Variants in SH2D4B observed in about 807,000 individuals in gnomAD.
SH2D4B encodes the protein SH2 domain-containing protein 4B.
Under a neutral mutation model 61.5 loss-of-function variants are expected in SH2D4B, and 45 were observed. The observed-to-expected ratio is 0.73, with a 90% confidence interval of 0.58 to 0.94. The LOEUF (loss-of-function observed/expected upper bound fraction) is 0.94. SH2D4B is among the 40% of genes least tolerant of loss of function. SH2D4B has a pLI of 0.00. For synonymous variants in SH2D4B, 224 were observed against 220.4 expected, an observed-to-expected ratio of 1.02 and a Z score of -0.14; for missense variants, 572 against 574.2, an observed-to-expected ratio of 1.00 and a Z score of 0.04.
At chr10:80,627,862 A>G (rs1842781436) in intron 6 of SH2D4B, among the ~76,000 whole-genome samples, 1 of 152,134 alleles carries the variant, frequency 6.6e-6, no homozygotes, top group African/African-American at 2.4e-5. Context: ...AACAATGTTT[A>G]CCATTGTCTG....
At chr10:80,590,407 G>A (rs1842312777) in intron 4 of SH2D4B, among the ~76,000 whole-genome samples, 1 of 152,182 alleles carries the variant, frequency 6.6e-6, no homozygotes, top group African/African-American at 2.4e-5. Flanking sequence ...CTACGAATTG[G>A]CTATTCCTGG....
intron 7 of SH2D4B, among the ~76,000 whole-genome samples, chr10:80,639,162 G>A (rs147437535): frequency 0.016 from 2,376 of 152,228 alleles, 58 homozygotes; most frequent in African/African-American, 0.053. Flanking sequence ...AGTTTGTTGT[G>A]ATTTCTGTTC....
In SH2D4B at chr10:80,609,426, G is replaced by A. The variant is rs1361623816; in HGVS notation, c.863G>A (p.Arg288Lys). 1 of 1,613,344 alleles carries A rather than the reference G, an allele frequency of 6.2e-7. No individual in the cohort carries two copies. Among genetic ancestry groups the A allele is most frequent in the Non-Finnish European group, 8.5e-7 (1 of 1,179,642 alleles). ...LPQPLALPVS[R>K]TWERPLRPVS... ...CTCCCCACTTTCTTTCTCTTCAGCA[G>A]GACCTGGGAGCGCCCGCTGCGCCCA... Residue 288 changes from arginine (R) to lysine (K), a missense_variant and splice_region_variant, in exon 6 of 8, where the codon AGG becomes AAG. Physicochemically the swap from Arg to Lys is conservative, Grantham distance 26 (BLOSUM62 2). Coordinates refer to ENST00000646907, the MANE Select transcript of SH2D4B (RefSeq NM_001388272.1).
chr10:80,592,715 CTTTT>C (rs60807866), intron 4 of SH2D4B, among the ~76,000 whole-genome samples: 2 of 134,546 alleles, frequency 1.5e-5, no homozygotes, highest in African/African-American at 2.8e-5. Flanking sequence ...CTCTCTGTCT[CTTTT>C]TTTTTTTTTT....
chr10:80,635,144 C>A (rs985057285), intron 7 of SH2D4B, among the ~76,000 whole-genome samples: 3 of 152,280 alleles, frequency 2.0e-5, no homozygotes, highest in Non-Finnish European at 4.4e-5. Flanking sequence ...CTGTGAAGTG[C>A]TTATGGAAAG....
chr10:80,634,636 AGC>A, intron 7 of SH2D4B, 131 bp downstream of exon 7: 1 of 1,368,892 alleles, frequency 7.3e-7, no homozygotes, highest in Non-Finnish European at 9.8e-7. Context: ...AGAGATGTAG[AGC>A]ATCAGGGCAG....
At chr10:80,613,475 G>T (rs950382510) in intron 6 of SH2D4B, among the ~76,000 whole-genome samples, 4 of 152,230 alleles carry the variant, frequency 2.6e-5, no homozygotes, top group Non-Finnish European at 5.9e-5. Context: ...CAACCCATTG[G>T]CTGCCTTGCT....
At position 80,643,939 on chromosome 10, in the gene SH2D4B, T is replaced by A. The variant is rs911057266; in HGVS notation, c.1210-54T>A. On this transcript the variant is annotated intron_variant, in intron 7 of 7. Transcript: ENST00000646907. ...TGAACCACTCTCTCTCTCTCATAGA[T>A]GTGTATTTCCCTGTCTTGATTATAA... The A allele has an allele frequency of 4.4e-6, 6 of 1,358,606 alleles. No individual in the cohort carries two copies. In the African/African-American group the frequency reaches 8.6e-5, roughly 20 times the overall value. 84.2% of individuals were successfully genotyped at this position (1,358,606 alleles called of 1,614,324 possible).
At chr10:80,572,290 A>G (rs1413866390) in intron 3 of SH2D4B, among the ~76,000 whole-genome samples, 1 of 152,194 alleles carries the variant, frequency 6.6e-6, no homozygotes, top group Admixed American at 6.5e-5. Context: ...ATGAGGATTC[A>G]AGGAGATGAT....
intron 1 of SH2D4B, chr10:80,540,916 G>A: frequency 6.4e-7 from 1 of 1,551,194 alleles, no homozygotes; most frequent in South Asian, 1.2e-5. Flanking sequence ...GAGGACTCAG[G>A]AGGCTCTCCA....
intron 6 of SH2D4B, among the ~76,000 whole-genome samples, chr10:80,614,323 C>T (rs1317478793): frequency 1.3e-5 from 2 of 152,102 alleles, no homozygotes; most frequent in African/African-American, 2.4e-5. Flanking sequence ...TGTCATGTGG[C>T]GAGAGTGGGA....
At chr10:80,602,760 A>G (rs7074541) in intron 4 of SH2D4B, among the ~76,000 whole-genome samples, 3,387 of 152,304 alleles carry the variant, frequency 0.022, 128 homozygotes, top group African/African-American at 0.076. Context: ...CAGTTTCCAC[A>G]TGAATAACAT....
chr10:80,596,994 CAA>C, intron 4 of SH2D4B, among the ~76,000 whole-genome samples: 1 of 152,162 alleles, frequency 6.6e-6, no homozygotes, highest in South Asian at 2.1e-4. Context: ...AATAACATAA[CAA>C]TAAAAATAAA....
intron 5 of SH2D4B, among the ~76,000 whole-genome samples, chr10:80,606,194 G>A (rs1255909059): frequency 1.3e-5 from 2 of 152,072 alleles, no homozygotes; most frequent in Non-Finnish European, 2.9e-5. Flanking sequence ...GCTGATGGGA[G>A]GAGAGGTTCA....
At chr10:80,571,377 A>G in intron 2 of SH2D4B, 54 bp from the exon 3 acceptor site, 2 of 1,565,580 alleles carry the variant, frequency 1.3e-6, no homozygotes, top group Admixed American at 3.8e-5. Context: ...TTCTATTGTT[A>G]GGTGGTCCTT....
At chr10:80,640,014 G>T (rs556912914) in intron 7 of SH2D4B, among the ~76,000 whole-genome samples, 7 of 152,144 alleles carry the variant, frequency 4.6e-5, no homozygotes, top group African/African-American at 1.7e-4. Context: ...ATTTGCTTGT[G>T]TGTAAAGTAT....
intron 1 of SH2D4B, among the ~76,000 whole-genome samples, chr10:80,560,418 G>T (rs1841889804): frequency 1.3e-5 from 2 of 148,432 alleles, no homozygotes; most frequent in African/African-American, 2.5e-5. Flanking sequence ...CCCAGGCTTT[G>T]GTATAATGGC....
intron 1 of SH2D4B, among the ~76,000 whole-genome samples, chr10:80,548,827 C>G (rs1841717034): frequency 6.6e-6 from 1 of 152,190 alleles, no homozygotes; most frequent in South Asian, 2.1e-4. Flanking sequence ...CTCAGTTTTT[C>G]TGGAGTCTCA....
intron 4 of SH2D4B, among the ~76,000 whole-genome samples, chr10:80,601,795 C>G (rs191254135): frequency 6.6e-6 from 1 of 152,230 alleles, no homozygotes; most frequent in African/African-American, 2.4e-5. Context: ...CCTGCAAATA[C>G]TCACAGTGCA....
Sources: gnomAD v4.1 joint callset for allele counts (sites outside exome capture counted in the v4.1 genomes callset) on GRCh38, gnomAD v4.1.1 for gene constraint, MANE v1.5 for transcripts, NCBI Gene and HGNC (gene_info 2026-07-23, HGNC 2026-07-21) for gene names.